RELN: variants seen among roughly 807,000 people sequenced by gnomAD.
The protein encoded by RELN is reelin.
A neutral mutation model predicts 427.6 loss-of-function variants in RELN; 108 were observed. The observed-to-expected ratio is 0.25, with a 90% CI of 0.22 to 0.30. The LOEUF is 0.30. Ranked by LOEUF, RELN falls within the 10% of genes least tolerant of loss-of-function variation. The pLI, the probability that RELN is intolerant of heterozygous loss-of-function variation, is 1.00. For missense variants in RELN, 3,715 were observed against 4,302.8 expected (o/e 0.86, Z 3.82); for synonymous variants, 1,524 against 1,513.4 (o/e 1.01, Z -0.16).
intron 4 of RELN, among the ~76,000 whole-genome samples, chr7:103,756,348 T>C (rs749237488): frequency 9.2e-5 from 14 of 152,208 alleles, no homozygotes; most frequent in Admixed American, 1.3e-4. Context: ...CCGATTCTGA[T>C]AGAAAGCCAG....
At chr7:103,826,319 A>T (rs959407921) in intron 3 of RELN, among the ~76,000 whole-genome samples, 4 of 137,494 alleles carry the variant, frequency 2.9e-5, no homozygotes, top group African/African-American at 1.2e-4. Flanking sequence ...AGACTAAGAC[A>T]ATGTGTGTGT....
intron 10 of RELN, among the ~76,000 whole-genome samples, chr7:103,688,185 T>C (rs934753860): frequency 2.0e-5 from 3 of 152,078 alleles, no homozygotes; most frequent in Non-Finnish European, 4.4e-5. Flanking sequence ...GAAATCATAG[T>C]TAACATTCTG....
At chr7:103,958,272 C>T (rs1320555652) in intron 1 of RELN, among the ~76,000 whole-genome samples, 6 of 152,172 alleles carry the variant, frequency 3.9e-5, no homozygotes, top group African/African-American at 1.4e-4. Context: ...TGACAGCCAT[C>T]GTTCTGAAAC....
intron 2 of RELN, among the ~76,000 whole-genome samples, chr7:103,857,008 T>A (rs1793963601): frequency 6.6e-6 from 1 of 152,156 alleles, no homozygotes; most frequent in South Asian, 2.1e-4. Flanking sequence ...TTAAAGGCTT[T>A]CAAATAGGAG....
chr7:103,907,998 C>G (rs1584355390), intron 2 of RELN, among the ~76,000 whole-genome samples: 1 of 152,044 alleles, frequency 6.6e-6, no homozygotes, highest in African/African-American at 2.4e-5. Context: ...ACGTTCCTCT[C>G]CCTGTGTCCA....
intron 4 of RELN, among the ~76,000 whole-genome samples, chr7:103,768,009 A>G (rs923642874): frequency 3.9e-5 from 6 of 152,100 alleles, no homozygotes; most frequent in African/African-American, 1.4e-4. Flanking sequence ...CTGATGCCTC[A>G]TGTTTACTGT....
chr7:103,522,006 G>A lies in RELN; in HGVS notation c.7668+16C>T, dbSNP rs1286551839. 8 of 1,613,406 alleles carry A rather than the reference G, an allele frequency of 5.0e-6. No individual in the cohort carries two copies. The highest frequency in any genetic ancestry group is 3.3e-5 in the Admixed American group (2 of 59,990). On this transcript the variant is annotated intron_variant, in intron 48 of 64. Transcript: ENST00000428762. ...TAAGAAGAGCAGAAATGAGTAACCA[G>A]CAGCCAAACACTCACCCCACTGAAA...
chr7:103,905,858 C>T (rs1414649738), intron 2 of RELN, among the ~76,000 whole-genome samples: 4 of 151,882 alleles, frequency 2.6e-5, no homozygotes, highest in Admixed American at 6.6e-5. Flanking sequence ...GAGAATTCCA[C>T]GGAGGTAGCG....
Position 103,651,711 on chromosome 7 carries a change from A to G in RELN, c.1842T>C (p.Ala614=). 1.2e-6 allele frequency: 2 copies of G among 1,611,990 alleles called. No homozygotes were observed. The highest frequency in any genetic ancestry group is 1.7e-6 in the Non-Finnish European group (2 of 1,178,658). Residue 614 remains alanine, a synonymous_variant, in exon 15 of 65, where the codon GCT becomes GCC. Coordinates refer to ENST00000428762, the MANE Select transcript of RELN (RefSeq NM_005045.4). ...CAGTGCTGTGGGGGAGGTGGGGTCCAGCACAGATCTCAGGTAAGCATTCAG... is the reference window on the plus strand; with the variant it reads ...CAGTGCTGTGGGGGAGGTGGGGTCCGGCACAGATCTCAGGTAAGCATTCAG... ...LHTECLPEIC[A]GPHLPHSTVY... is the part of the protein sequence containing the mutation.
rs149078847 is a variant in RELN, at chr7:103,739,319, C to T, written c.656+10107G>A. Among the ~76,000 whole-genome samples the T allele has an allele frequency of 1.8e-3, 269 of 152,248 alleles. 4 individuals carry two copies. The South Asian group carries it at 0.03, about 17-fold the overall frequency. On this transcript the variant is annotated intron_variant, in intron 6 of 64. Transcript: ENST00000428762. ...TAAGTAAAGTGTTAATAAAATACGACGTATTTGTGGTCCCTTACATTCTTC... is the reference window on the plus strand; with the variant it reads ...TAAGTAAAGTGTTAATAAAATACGATGTATTTGTGGTCCCTTACATTCTTC...
chr7:103,561,397 G>A (rs2117177393), intron 36 of RELN, 135 bp downstream of exon 36: 1 of 792,834 alleles, frequency 1.3e-6, no homozygotes, highest in East Asian at 2.6e-5. Flanking sequence ...AACATGGTTT[G>A]GGCTAAAAGT....
chr7:103,909,708 A>AAATATATAT (rs1563084769), intron 2 of RELN, among the ~76,000 whole-genome samples: 7 of 50,760 alleles, frequency 1.4e-4, no homozygotes, highest in African/African-American at 5.3e-4. Flanking sequence ...TTTAATATAT[A>AAATATATAT]TAAATATATA....
intron 8 of RELN, among the ~76,000 whole-genome samples, chr7:103,714,973 T>G (rs1172939246): frequency 6.6e-6 from 1 of 152,222 alleles, no homozygotes; most frequent in African/African-American, 2.4e-5. Context: ...TTCATTATTT[T>G]ATGAATAGAA....
intron 2 of RELN, among the ~76,000 whole-genome samples, chr7:103,885,672 G>T (rs1452343254): frequency 5.3e-5 from 8 of 152,136 alleles, no homozygotes; most frequent in Admixed American, 5.2e-4. Flanking sequence ...AACCACCATG[G>T]CACAAGTATG....
Position 103,635,435 on chromosome 7 carries a change from G to A in RELN, c.2455C>T (p.His819Tyr). 2 of 1,613,858 alleles carry A rather than the reference G, an allele frequency of 1.2e-6. No individual in the cohort carries two copies. The highest frequency in any genetic ancestry group is 8.5e-7 in the Non-Finnish European group (1 of 1,179,882). Residue 819 changes from histidine to tyrosine, a missense_variant, in exon 19 of 65, where the codon CAT becomes TAT. By Grantham distance (83) the His-to-Tyr change is moderately conservative. Coordinates refer to ENST00000428762, the MANE Select transcript of RELN (RefSeq NM_005045.4). ...LLEHYSYLSY[H>Y]EPRIISVELP... ...TGCTTTCCAACATACCTGGGCTCAT[G>A]ATAGCTGAGATATGAATAATGCTCC...
intron 11 of RELN, among the ~76,000 whole-genome samples, chr7:103,678,515 C>T (rs924524602): frequency 6.6e-6 from 1 of 152,186 alleles, no homozygotes; most frequent in Non-Finnish European, 1.5e-5. Context: ...AGGCACACAG[C>T]TCTTGCATCC....
rs1485601874 is a variant in RELN, at chr7:103,640,781, GA to G, written c.2003-173del. 6.6e-5 allele frequency among the ~76,000 whole-genome samples: 10 copies of G among 152,158 alleles called. No homozygotes were observed. The highest frequency in any genetic ancestry group is 1.3e-4 in the Non-Finnish European group (9 of 68,030). ...GTAAGTGCTTAGTTACAAAGCTGCTGAAACAGTCACAAGTTATACAGATAAT... is the reference window on the plus strand; with the variant it reads ...GTAAGTGCTTAGTTACAAAGCTGCTGAACAGTCACAAGTTATACAGATAAT... On this transcript the variant is annotated intron_variant, in intron 16 of 64. Coordinates refer to ENST00000428762, the MANE Select transcript of RELN (RefSeq NM_005045.4). This position sits in a 1 kb window ranked among gnomAD's most constrained non-coding sequence, Gnocchi z 4.1.
intron 2 of RELN, among the ~76,000 whole-genome samples, chr7:103,910,296 C>T (rs2116651071): frequency 1.4e-5 from 2 of 145,566 alleles, no homozygotes; most frequent in East Asian, 2.0e-4. Context: ...TGCTTATCAG[C>T]TTAAGGAGAT....
chr7:103,798,096 A>G (rs1250771438), intron 3 of RELN, among the ~76,000 whole-genome samples: 2 of 152,180 alleles, frequency 1.3e-5, no homozygotes, highest in Admixed American at 1.3e-4. Context: ...ATGTGAAGAC[A>G]TCTCTGACTG....
Sources: gnomAD v4.1 joint callset for allele counts (sites outside exome capture counted in the v4.1 genomes callset) on GRCh38, gnomAD v4.1.1 for gene constraint, Gnocchi (gnomAD v3.1) non-coding constraint, MANE v1.5 for transcripts, NCBI Gene and HGNC (gene_info 2026-07-23, HGNC 2026-07-21) for gene names.